The following ADCYAP1R1 variants were observed in gnomAD, a reference collection of about 807,000 sequenced individuals.
ADCYAP1R1 encodes the protein pituitary adenylate cyclase-activating polypeptide type I receptor.
Under a neutral mutation model 67.6 loss-of-function variants are expected in ADCYAP1R1, and 44 were observed. That is an observed-to-expected ratio of 0.65 (90% CI 0.51 to 0.84). The LOEUF is 0.84. Ranked by LOEUF, ADCYAP1R1 falls within the 40% of genes least tolerant of loss-of-function variation. The pLI is 0.00. For missense variants in ADCYAP1R1, 477 were observed against 587.9 expected, an observed-to-expected ratio of 0.81 and a Z score of 1.95; for synonymous variants, 222 against 219.6, an observed-to-expected ratio of 1.01 and a Z score of -0.10.
At chr7:31,092,955 G>A (rs905193825) in intron 13 of ADCYAP1R1, among the ~76,000 whole-genome samples, 4 of 152,002 alleles carry the variant, frequency 2.6e-5, no homozygotes, top group Non-Finnish European at 5.9e-5. Context: ...GGATGGGCAG[G>A]AAGAGAGAGA....
chr7:31,104,946 G>A (rs370305241), intron 15 of ADCYAP1R1, 37 bp downstream of exon 15: 95 of 1,611,246 alleles, frequency 5.9e-5, no homozygotes, highest in Non-Finnish European at 8.0e-5. Flanking sequence ...GGCAGTGGAA[G>A]TGGGGCTTTC....
chr7:31,064,606 T>G (rs1794653388), intron 2 of ADCYAP1R1, among the ~76,000 whole-genome samples: 1 of 151,902 alleles, frequency 6.6e-6, no homozygotes, highest in Non-Finnish European at 1.5e-5. Context: ...CAGGAGGGAG[T>G]GGGACCTGTC....
chr7:31,070,324 C>T (rs1056432426), intron 3 of ADCYAP1R1, among the ~76,000 whole-genome samples: 3 of 152,216 alleles, frequency 2.0e-5, no homozygotes, highest in African/African-American at 7.2e-5. Flanking sequence ...CGGTGTGGTC[C>T]TCCATGGGGG....
chr7:31,092,571 G>C, intron 12 of ADCYAP1R1, 73 bp from the exon 13 acceptor site: 1 of 1,166,214 alleles, frequency 8.6e-7, no homozygotes, highest in Non-Finnish European at 1.3e-6. Context: ...GGTGGGGGAG[G>C]GTCCTGCTGG....
At chr7:31,088,592 G>A (rs1483501297) in intron 12 of ADCYAP1R1, among the ~76,000 whole-genome samples, 1 of 152,112 alleles carries the variant, frequency 6.6e-6, no homozygotes, top group African/African-American at 2.4e-5. Flanking sequence ...ATTTTCAATG[G>A]ATGGACATTC....
chr7:31,088,164 C>T (rs1276637768), intron 12 of ADCYAP1R1, among the ~76,000 whole-genome samples: 2 of 152,208 alleles, frequency 1.3e-5, no homozygotes, highest in Admixed American at 1.3e-4. Context: ...TTTTAATGTA[C>T]ATTTCTCCAT....
chr7:31,073,849 G>A (rs1273993192), intron 3 of ADCYAP1R1, among the ~76,000 whole-genome samples: 1 of 152,118 alleles, frequency 6.6e-6, no homozygotes, highest in Non-Finnish European at 1.5e-5. Flanking sequence ...TTGGGTCCTG[G>A]GGTCCTGAGG....
At chr7:31,067,761 G>A (rs575940242) in intron 3 of ADCYAP1R1, among the ~76,000 whole-genome samples, 22 of 152,134 alleles carry the variant, frequency 1.4e-4, no homozygotes, top group Admixed American at 3.3e-4. Flanking sequence ...GAAAAATGGA[G>A]GAAAAATGAT....
At position 31,100,136 on chromosome 7, in the gene ADCYAP1R1, G is replaced by A. The variant is rs775158765; in HGVS notation, c.1047-3101G>A. On this transcript the variant is annotated intron_variant, in intron 13 of 15. Transcript: ENST00000304166. ...ATCTTGTCACACCCAGCAGCTGCGTGCAGAAATGCTACTGCAAGCCACAGC... is the reference window on the plus strand; with the variant it reads ...ATCTTGTCACACCCAGCAGCTGCGTACAGAAATGCTACTGCAAGCCACAGC... The A allele has an allele frequency of 1.4e-5, 21 of 1,550,432 alleles. No homozygotes were observed. The South Asian group carries it at 2.3e-4, about 17-fold the overall frequency.
chr7:31,087,614 G>C lies in ADCYAP1R1; in HGVS notation c.885-13G>C, dbSNP rs1307981101. On this transcript the variant is annotated splice_polypyrimidine_tract_variant and intron_variant, in intron 11 of 15. Transcript: ENST00000304166. Reference sequence around the variant, plus strand: ...CACAGACGTGATCTTGCTTCTCTCTGTCCATCTTTCAGCTGCTGGGATATG... The same window carrying C: ...CACAGACGTGATCTTGCTTCTCTCTCTCCATCTTTCAGCTGCTGGGATATG... 2 of 1,613,642 alleles carry C rather than the reference G, an allele frequency of 1.2e-6. No homozygotes were observed. The highest frequency in any genetic ancestry group is 1.7e-6 in the Non-Finnish European group (2 of 1,179,670).
At chr7:31,087,300 G>A (rs1223306784) in intron 11 of ADCYAP1R1, among the ~76,000 whole-genome samples, 1 of 152,190 alleles carries the variant, frequency 6.6e-6, no homozygotes, top group East Asian at 1.9e-4. Flanking sequence ...CATGTTGAGG[G>A]GGAGGTCACA....
intron 12 of ADCYAP1R1, among the ~76,000 whole-genome samples, chr7:31,089,012 G>A (rs1161570424): frequency 6.6e-6 from 1 of 152,148 alleles, no homozygotes; most frequent in East Asian, 1.9e-4. Context: ...CATGTATTCA[G>A]TCTTTCTTAT....
At chr7:31,067,196 C>T (rs184618786) in intron 3 of ADCYAP1R1, among the ~76,000 whole-genome samples, 2 of 152,288 alleles carry the variant, frequency 1.3e-5, no homozygotes, top group Admixed American at 6.5e-5. Context: ...GGAGAGGAGG[C>T]TGCACCCTCT....
chr7:31,054,165 G>A (rs1252658411), intron 1 of ADCYAP1R1, among the ~76,000 whole-genome samples: 2 of 152,180 alleles, frequency 1.3e-5, no homozygotes, highest in Non-Finnish European at 2.9e-5. Flanking sequence ...CCCTGGGCCA[G>A]CTCTTCCAAC....
intron 13 of ADCYAP1R1, among the ~76,000 whole-genome samples, chr7:31,096,716 T>G (rs1016006896): frequency 6.6e-6 from 1 of 152,090 alleles, no homozygotes; most frequent in Non-Finnish European, 1.5e-5. Context: ...CTGTGAGCTG[T>G]GCTGCTAGCT....
Position 31,078,032 on chromosome 7 carries a change from GC to G in ADCYAP1R1, c.202del (p.His68MetfsTer39). On this transcript the variant is annotated frameshift_variant, in exon 4 of 16. Transcript: ENST00000304166. LOFTEE classifies it high-confidence loss of function. Reference sequence around the variant, plus strand: ...GGACAACATCACGTGTTGGAAGCCCGCCCATGTGGGTGAGATGGTCCTGGTC... The same window carrying G: ...GGACAACATCACGTGTTGGAAGCCCGCCATGTGGGTGAGATGGTCCTGGTC... ...MWDNITCWKP[A>X]HVGEMVLVSC... The G allele has an allele frequency of 1.2e-6, 2 of 1,613,118 alleles. No individual in the cohort carries two copies. Among genetic ancestry groups the G allele is most frequent in the Non-Finnish European group, 8.5e-7 (1 of 1,179,464 alleles).
intron 13 of ADCYAP1R1, among the ~76,000 whole-genome samples, chr7:31,096,399 A>C (rs59469001): frequency 0.011 from 1,627 of 152,294 alleles, 33 homozygotes; most frequent in African/African-American, 0.038. Context: ...CTTCCAGCTC[A>C]CAAAGCCTCC....
At chr7:31,104,749 G>T (rs1796571775) in intron 14 of ADCYAP1R1, 119 bp from the exon 15 acceptor site, 1 of 1,139,344 alleles carries the variant, frequency 8.8e-7, no homozygotes, top group South Asian at 1.3e-5. Context: ...TCCCTGGGCA[G>T]GTGCCCCCAT....
chr7:31,057,306 A>G (rs1794293184), intron 1 of ADCYAP1R1, among the ~76,000 whole-genome samples: 1 of 151,916 alleles, frequency 6.6e-6, no homozygotes, highest in South Asian at 2.1e-4. Flanking sequence ...CCAGGTCAGG[A>G]GAGGTCCCTG....
Sources: allele counts gnomAD v4.1 joint callset (sites outside exome capture counted in the v4.1 genomes callset), GRCh38; gene constraint gnomAD v4.1.1; transcripts MANE v1.5; gene names NCBI Gene and HGNC (gene_info 2026-07-23, HGNC 2026-07-21).